The following SPACA7 variants were observed in gnomAD, a reference collection of about 807,000 sequenced individuals.
SPACA7 encodes the protein sperm acrosome associated 7, also known as sperm acrosome-associated protein 7.
A neutral mutation model predicts 26.3 loss-of-function variants in SPACA7; 19 were observed. The observed-to-expected ratio is 0.72, with a 90% CI of 0.50 to 1.06. The LOEUF (loss-of-function observed/expected upper bound fraction) is 1.06. Ranked by LOEUF, SPACA7 falls within the 50% of genes least tolerant of loss-of-function variation. SPACA7 has a pLI of 0.00. For missense variants in SPACA7, 211 were observed against 229.9 expected (o/e 0.92, Z 0.53); for synonymous variants, 84 against 84.5 (o/e 0.99, Z 0.04).
intron 2 of SPACA7, among the ~76,000 whole-genome samples, chr13:112,394,910 A>T (rs1885138382): frequency 6.6e-6 from 1 of 152,200 alleles, no homozygotes; most frequent in African/African-American, 2.4e-5. Flanking sequence ...AGAAGGAAGC[A>T]GCAGCTCTTA....
chr13:112,432,601 G>C (rs972847966), intron 6 of SPACA7, 80 bp downstream of exon 6: 2 of 1,108,004 alleles, frequency 1.8e-6, no homozygotes, highest in Admixed American at 1.8e-5. Context: ...TCTCCGAGCA[G>C]CTCCAGGGAG....
chr13:112,407,130 C>T (rs1322719746), intron 5 of SPACA7, among the ~76,000 whole-genome samples: 1 of 152,106 alleles, frequency 6.6e-6, no homozygotes, highest in Non-Finnish European at 1.5e-5. Context: ...GGGTACATAA[C>T]AAAATGAAGG....
intron 5 of SPACA7, among the ~76,000 whole-genome samples, chr13:112,410,482 A>G (rs1886280037): frequency 1.3e-5 from 2 of 152,090 alleles, no homozygotes; most frequent in Non-Finnish European, 2.9e-5. Flanking sequence ...TATAATTTGC[A>G]AATTACTTGG....
chr13:112,380,598 C>T (rs951605130), intron 1 of SPACA7, among the ~76,000 whole-genome samples: 1 of 151,728 alleles, frequency 6.6e-6, no homozygotes, highest in Non-Finnish European at 1.5e-5. Context: ...CTCTTTTTTT[C>T]TCAGAGACTC....
chr13:112,394,592 G>A (rs899463358), intron 2 of SPACA7, among the ~76,000 whole-genome samples: 2 of 152,140 alleles, frequency 1.3e-5, no homozygotes, highest in South Asian at 2.1e-4. Flanking sequence ...ATGAGTGAGC[G>A]CTCCAGTGAA....
Position 112,392,963 on chromosome 13 carries a change from GA to G in SPACA7, c.95-53del, listed in dbSNP as rs556835060. On this transcript the variant is annotated intron_variant, in intron 1 of 6. Transcript: ENST00000283550. ...CCACAAAACCATATCCATTTAAAGA[GA>G]AAAATATGCAAATTCAATGAACATT... 2.7e-3 allele frequency: 4,168 copies of G among 1,516,326 alleles called. 14 individuals are homozygous for G. The highest frequency in any genetic ancestry group is 3.3e-3 in the Non-Finnish European group (3,607 of 1,098,828). The allele number at this position is 1,516,326 out of a possible 1,614,324, so 93.9% of individuals were successfully genotyped here.
intron 6 of SPACA7, 24 bp downstream of exon 6, chr13:112,432,545 T>C (rs1877263870): frequency 6.6e-7 from 1 of 1,517,390 alleles, no homozygotes; most frequent in African/African-American, 1.4e-5. Context: ...AATAGATAAG[T>C]GTCTTCTCAT....
At chr13:112,429,562 G>A (rs563394896) in intron 5 of SPACA7, among the ~76,000 whole-genome samples, 8 of 152,184 alleles carry the variant, frequency 5.3e-5, no homozygotes, top group South Asian at 2.1e-4. Context: ...TATAGACAGC[G>A]TATGGTTGGC....
chr13:112,383,127 AAGAAAGAAAG>A (rs1200881305), intron 1 of SPACA7, among the ~76,000 whole-genome samples: 13 of 4,206 alleles, frequency 3.1e-3, no homozygotes, highest in Non-Finnish European at 6.2e-3. Flanking sequence ...AAAGAAAAGA[AAGAAAGAAAG>A]AAAGAAAGAA....
chr13:112,414,630 C>T (rs545880568), intron 5 of SPACA7, among the ~76,000 whole-genome samples: 2 of 151,868 alleles, frequency 1.3e-5, no homozygotes, highest in African/African-American at 2.4e-5. Context: ...AGGCTGGTCT[C>T]GAACTCCTGA....
chr13:112,428,405 C>A (rs535041371), intron 5 of SPACA7, among the ~76,000 whole-genome samples: 1 of 152,180 alleles, frequency 6.6e-6, no homozygotes, highest in African/African-American at 2.4e-5. Flanking sequence ...AATGATGAAA[C>A]CCCATCTCTT....
intron 5 of SPACA7, among the ~76,000 whole-genome samples, chr13:112,418,367 G>A (rs1488734725): frequency 1.3e-5 from 2 of 152,132 alleles, no homozygotes; most frequent in Non-Finnish European, 2.9e-5. Context: ...GGGAAGAAAA[G>A]TGTTGCAAAT....
chr13:112,410,372 A>AATAT (rs557711314), intron 5 of SPACA7, among the ~76,000 whole-genome samples: 1 of 151,450 alleles, frequency 6.6e-6, no homozygotes, highest in Non-Finnish European at 1.5e-5. Flanking sequence ...CAATTAAAAA[A>AATAT]ATATATATAT....
chr13:112,432,595 C>T (rs961483370), intron 6 of SPACA7, 74 bp downstream of exon 6: 170 of 1,176,252 alleles, frequency 1.4e-4, no homozygotes, highest in Non-Finnish European at 1.1e-4. Flanking sequence ...GGTGTGTCTC[C>T]GAGCAGCTCC....
chr13:112,382,525 G>GT (rs1352514972), intron 1 of SPACA7: 5 of 1,549,040 alleles, frequency 3.2e-6, no homozygotes, highest in Non-Finnish European at 4.4e-6. Flanking sequence ...CAGTGGAACC[G>GT]TTTTGCAACT....
intron 5 of SPACA7, among the ~76,000 whole-genome samples, chr13:112,413,588 T>C (rs1455303419): frequency 1.3e-5 from 2 of 152,226 alleles, no homozygotes; most frequent in East Asian, 3.8e-4. Flanking sequence ...ATATTCCTGG[T>C]GATCTTTGAT....
intron 5 of SPACA7, among the ~76,000 whole-genome samples, chr13:112,403,776 A>G (rs1172860141): frequency 1.3e-5 from 2 of 152,220 alleles, no homozygotes; most frequent in East Asian, 3.8e-4. Flanking sequence ...ATACCTGAGT[A>G]GTATTCCATA....
chr13:112,382,472 A>T, intron 1 of SPACA7: 1 of 1,550,422 alleles, frequency 6.4e-7, no homozygotes, highest in Non-Finnish European at 8.7e-7. Flanking sequence ...CTTCCCACTG[A>T]CAGGGGACGT....
chr13:112,434,606 C>A lies in SPACA7; in HGVS notation c.*57C>A. On this transcript the variant is annotated 3_prime_UTR_variant, in exon 7 of 7. Transcript: ENST00000283550. ...GGAGCCTGCTAGAACCCCCACCCAC[C>A]AGCCTCCGGAACAGGGCACTTGTGT... 7.0e-7 allele frequency: 1 copy of A among 1,425,292 alleles called. No individual in the cohort carries two copies. Among genetic ancestry groups the A allele is most frequent in the Non-Finnish European group, 9.7e-7 (1 of 1,030,504 alleles). The allele number at this position is 1,425,292 out of a possible 1,614,324, so 88.3% of individuals were successfully genotyped here.
Sources: gnomAD v4.1 joint callset for allele counts (sites outside exome capture counted in the v4.1 genomes callset) on GRCh38, gnomAD v4.1.1 for gene constraint, MANE v1.5 for transcripts, NCBI Gene and HGNC (gene_info 2026-07-23, HGNC 2026-07-21) for gene names.